Variants in ADGRB1 observed in about 807,000 individuals in gnomAD.
The protein encoded by ADGRB1 is brain-specific angiogenesis inhibitor 1.
Under a neutral mutation model 175.7 loss-of-function variants are expected in ADGRB1, and 36 were observed. The ratio of observed to expected loss-of-function variants is 0.20; its 90% CI spans 0.16 to 0.27. ADGRB1 has a LOEUF of 0.27. Ranked by LOEUF, ADGRB1 falls within the 10% of genes least tolerant of loss-of-function variation. ADGRB1 has a pLI of 1.00. For synonymous variants in ADGRB1, 1,054 were observed against 979.4 expected (o/e 1.08, Z -1.42); for missense variants, 1,731 against 2,255.3 (o/e 0.77, Z 4.71).
chr8:142,460,633 C>G (rs1053838650), intron 1 of ADGRB1, among the ~76,000 whole-genome samples: 1 of 152,178 alleles, frequency 6.6e-6, no homozygotes, highest in Non-Finnish European at 1.5e-5. Context: ...TGGGCCATCT[C>G]CTGGCCCCAA....
At position 142,464,372 on chromosome 8, in the gene ADGRB1, C is replaced by T; in HGVS notation, c.174C>T (p.Ala58=). ...AGTTCTTCGGCTACTTCTCCGCGGC[C>T]GCCGTGTTCCCGGCCAACGCCTCGC... The part of the protein sequence containing the change: ...QGKFFGYFSA[A]AVFPANASRC... The change falls in exon 2 of 31, where the codon GCC becomes GCT. Residue 58 remains alanine (A), a synonymous_variant. Transcript: ENST00000517894. 1 of 1,522,956 alleles carries T rather than the reference C, an allele frequency of 6.6e-7. No homozygotes were observed. The highest frequency in any genetic ancestry group is 1.2e-5 in the South Asian group (1 of 81,314). 94.3% of individuals were successfully genotyped at this position (1,522,956 alleles called of 1,614,324 possible).
At chr8:142,505,057 T>TGGTGGGTGGGTGGGTG (rs567858185) in intron 17 of ADGRB1, among the ~76,000 whole-genome samples, 1 of 11,738 alleles carries the variant, frequency 8.5e-5, no homozygotes, top group African/African-American at 4.1e-4. Flanking sequence ...GGCTCTGGCT[T>TGGTGGGTGGGTGGGTG]GGTGGGTGGG....
In ADGRB1 at chr8:142,542,406, G is replaced by A. The variant is rs765352565; in HGVS notation, c.4172G>A (p.Arg1391His). Reference protein sequence around the residue: ...STAPEASLPARSPPSRQPPSG... With the variant: ...STAPEASLPAHSPPSRQPPSG... ...GCCCCCGAGGCCAGCCTCCCCGCCC[G>A]CAGCCCGCCCTCCCGCCAGCCCCCC... Residue 1391 changes from arginine to histidine, a missense_variant, in exon 28 of 31, where the codon CGC becomes CAC. By Grantham distance (29) the Arg-to-His change is conservative (BLOSUM62 0). Coordinates refer to ENST00000517894, the MANE Select transcript of ADGRB1 (RefSeq NM_001702.3). This position sits in a 1 kb window ranked among gnomAD's most constrained non-coding sequence, Gnocchi z 6.3. The A allele has an allele frequency of 6.4e-5, 77 of 1,203,052 alleles. No individual in the cohort carries two copies. The highest frequency in any genetic ancestry group is 4.2e-4 in the East Asian group (11 of 25,958). The allele number at this position is 1,203,052 out of a possible 1,614,324, so 74.5% of individuals were successfully genotyped here. A position where few individuals can be genotyped will look rare whatever the true frequency, so the allele number is the denominator to read the frequency against.
intron 2 of ADGRB1, 63 bp from the exon 3 acceptor site, chr8:142,475,411 C>A: frequency 8.0e-7 from 1 of 1,242,876 alleles, no homozygotes; most frequent in Non-Finnish European, 1.0e-6. Flanking sequence ...ACCCCCATGA[C>A]TTACCCGTCC....
chr8:142,488,193 G>GGGGGCT (rs981132225), intron 13 of ADGRB1, among the ~76,000 whole-genome samples, 171 bp from the exon 14 acceptor site: 3 of 152,178 alleles, frequency 2.0e-5, no homozygotes, highest in Non-Finnish European at 4.4e-5. Flanking sequence ...CCGAGGTTCT[G>GGGGGCT]GGGGCTGGGG....
intron 2 of ADGRB1, among the ~76,000 whole-genome samples, chr8:142,466,235 C>T (rs1000754481): frequency 5.3e-5 from 8 of 152,104 alleles, no homozygotes; most frequent in African/African-American, 2.4e-5. Flanking sequence ...GCAATGGGAC[C>T]CTTAGGGGTA....
chr8:142,457,573 C>T (rs1208312038), intron 1 of ADGRB1, among the ~76,000 whole-genome samples: 1 of 151,900 alleles, frequency 6.6e-6, no homozygotes, highest in African/African-American at 2.4e-5. Flanking sequence ...GGCAGCCCTG[C>T]CCACCCTTAA....
intron 17 of ADGRB1, among the ~76,000 whole-genome samples, chr8:142,502,846 G>T (rs576104499): frequency 4.1e-4 from 62 of 152,006 alleles, no homozygotes; most frequent in African/African-American, 1.4e-3. Context: ...AGTGGGTGTT[G>T]CTGCTGTTGG....
At chr8:142,523,175 G>T (rs1428780727) in intron 22 of ADGRB1, among the ~76,000 whole-genome samples, 1 of 152,240 alleles carries the variant, frequency 6.6e-6, no homozygotes, top group Non-Finnish European at 1.5e-5. Context: ...GACCCTGAAG[G>T]GTCAGCTGGA....
chr8:142,521,814 G>A, intron 20 of ADGRB1, 151 bp from the exon 21 acceptor site: 1 of 813,028 alleles, frequency 1.2e-6, no homozygotes, highest in Non-Finnish European at 1.9e-6. Flanking sequence ...AGGACCAGGT[G>A]ATCTCTGGAT....
rs568736773 is a variant in ADGRB1 at position 142,454,846 on chromosome 8, T to C, written c.-220+4742T>C. On this transcript the variant is annotated intron_variant, in intron 1 of 30. Coordinates refer to ENST00000517894, the MANE Select transcript of ADGRB1 (RefSeq NM_001702.3). ...AGGAAGCAACAAAAAATAGGATCAG[T>C]ACCAAAGGACTAGCCTCCTTCCTCC... is the stretch of plus-strand genomic sequence containing the variant. Among the ~76,000 whole-genome samples, 45 of 152,180 alleles carry C rather than the reference T, an allele frequency of 3.0e-4. 1 individual carries two copies. Among genetic ancestry groups the C allele is most frequent in the African/African-American group, 9.2e-4 (38 of 41,514 alleles).
In ADGRB1 at chr8:142,450,057, A is replaced by G. The variant is rs1193220708; in HGVS notation, c.-267A>G. 1 of 147,288 alleles carries G rather than the reference A, an allele frequency of 6.8e-6. No individual in the cohort carries two copies. The highest frequency in any genetic ancestry group is 2.2e-4 in the South Asian group (1 of 4,646). The allele number at this position is 147,288 out of a possible 1,614,324, so 9.1% of individuals were successfully genotyped here. On this transcript the variant is annotated 5_prime_UTR_variant, in exon 1 of 31. Coordinates refer to ENST00000517894, the MANE Select transcript of ADGRB1 (RefSeq NM_001702.3). ...CGCGAGGCGCTCGCGGGGATTTGCA[A>G]CTCGCCGGATCGAGTCCTCGCCGGC...
intron 9 of ADGRB1, among the ~76,000 whole-genome samples, chr8:142,480,710 T>C (rs1250914890): frequency 6.6e-6 from 1 of 152,220 alleles, no homozygotes; most frequent in Non-Finnish European, 1.5e-5. Context: ...TCTTTGTGGC[T>C]GCCGCCACCC....
chr8:142,469,584 T>C (rs570870976), intron 2 of ADGRB1, among the ~76,000 whole-genome samples: 1 of 148,936 alleles, frequency 6.7e-6, no homozygotes, highest in Non-Finnish European at 1.5e-5. Context: ...TGTGTGCATG[T>C]GTGAATGTGT....
intron 1 of ADGRB1, among the ~76,000 whole-genome samples, chr8:142,454,364 T>A (rs943512820): frequency 6.6e-6 from 1 of 151,964 alleles, no homozygotes; most frequent in South Asian, 2.1e-4. Flanking sequence ...AACACCAGGG[T>A]GCCACGGCCC....
rs538727449 is a variant in ADGRB1 at position 142,479,618 on chromosome 8, C to T, written c.1727-75C>T. ...TCCTCATAATGATGCCTGCTCCAGG[C>T]GCCTTGCACCTTCCAGAGCCAGCTG... On this transcript the variant is annotated intron_variant, in intron 8 of 30. Transcript: ENST00000517894. 4.0e-4 allele frequency: 612 copies of T among 1,518,412 alleles called. 3 individuals are homozygous for T. The South Asian group carries it at 6.7e-3, about 17-fold the overall frequency. The allele number at this position is 1,518,412 out of a possible 1,614,324, so 94.1% of individuals were successfully genotyped here. A position where few individuals can be genotyped will look rare whatever the true frequency, so the allele number is the denominator to read the frequency against.
intron 27 of ADGRB1, chr8:142,539,683 G>C: frequency 1.8e-6 from 1 of 568,726 alleles, no homozygotes. Context: ...CTCCTGCTGA[G>C]CAGGTGCCTG....
intron 2 of ADGRB1, 29 bp downstream of exon 2, chr8:142,465,011 C>T (rs1430399299): frequency 1.6e-6 from 2 of 1,279,332 alleles, no homozygotes; most frequent in Non-Finnish European, 2.0e-6. Flanking sequence ...AACCTTCGGA[C>T]AGGGGAGGTG....
Position 142,543,067 on chromosome 8 carries a change from C to T in ADGRB1, c.4414-336C>T, listed in dbSNP as rs981936318. ...AGGATATGCTCCCACCATATCCTGGCTCCTGGCCTCTGGTGATGCTGCCCT... is the reference window on the plus strand; with the variant it reads ...AGGATATGCTCCCACCATATCCTGGTTCCTGGCCTCTGGTGATGCTGCCCT... On this transcript the variant is annotated intron_variant, in intron 28 of 30. Transcript: ENST00000517894. The surrounding 1 kb of genome is among the most constrained non-coding windows in gnomAD (Gnocchi z 4.4). Among the ~76,000 whole-genome samples, 3 of 152,192 alleles carry T rather than the reference C, an allele frequency of 2.0e-5. No homozygotes were observed. The highest frequency in any genetic ancestry group is 7.2e-5 in the African/African-American group (3 of 41,450).
Sources: gnomAD v4.1 joint callset for allele counts (sites outside exome capture counted in the v4.1 genomes callset) on GRCh38, gnomAD v4.1.1 for gene constraint, Gnocchi (gnomAD v3.1) non-coding constraint, MANE v1.5 for transcripts, NCBI Gene and HGNC (gene_info 2026-07-23, HGNC 2026-07-21) for gene names.